ETV1: variants seen among roughly 807,000 people sequenced by gnomAD.
ETV1 encodes the protein ETS variant transcription factor 1.
In ETV1, 27 loss-of-function variants were observed where a neutral mutation model predicts 62.3. The observed-to-expected ratio is 0.43, with a 90% CI of 0.32 to 0.60. ETV1 has a LOEUF of 0.60. ETV1 is among the 20% of genes least tolerant of loss of function. The pLI, the probability that ETV1 is intolerant of heterozygous loss-of-function variation, is 0.06. For synonymous variants in ETV1, 222 were observed against 199.6 expected (o/e 1.11, Z -0.94); for missense variants, 605 against 605.8 (o/e 1.00, Z 0.01).
Position 13,891,698 on chromosome 7 carries a change from T to A in ETV1, c.*4168A>T, listed in dbSNP as rs560616978. The A allele has an allele frequency of 4.3e-6, 1 of 232,048 alleles. No individual in the cohort carries two copies. The highest frequency in any genetic ancestry group is 2.2e-5 in the African/African-American group (1 of 45,310). 14.4% of individuals were successfully genotyped at this position (232,048 alleles called of 1,614,324 possible). On this transcript the variant is annotated 3_prime_UTR_variant, in exon 14 of 14. Transcript: ENST00000430479. The stretch of plus-strand genomic sequence containing the variant: ...TATCATGCCCAACTATTACCATCTT[T>A]TTGAAACTTGATTTTTCCAATTCTT...
At chr7:13,929,482 T>C (rs1785832853) in intron 9 of ETV1, among the ~76,000 whole-genome samples, 1 of 152,184 alleles carries the variant, frequency 6.6e-6, no homozygotes, top group Non-Finnish European at 1.5e-5. Context: ...GAGTATGTGG[T>C]ATGGAGAGAG....
intron 11 of ETV1, among the ~76,000 whole-genome samples, chr7:13,908,587 A>G (rs1783219262): frequency 6.6e-6 from 1 of 152,064 alleles, no homozygotes; most frequent in South Asian, 2.1e-4. Context: ...TGATTCCTAT[A>G]ATTTTTTTTT....
At chr7:13,897,586 C>A (rs1781975999) in intron 13 of ETV1, among the ~76,000 whole-genome samples, 1 of 152,088 alleles carries the variant, frequency 6.6e-6, no homozygotes, top group African/African-American at 2.4e-5. Flanking sequence ...GGAATGGCGC[C>A]TCAGAAAGCC....
In ETV1 at chr7:13,928,043, G is replaced by A. The variant is rs535864815; in HGVS notation, c.802+3459C>T. 3.9e-5 allele frequency among the ~76,000 whole-genome samples: 6 copies of A among 152,150 alleles called. No individual in the cohort carries two copies. The East Asian group carries it at 9.7e-4, about 25-fold the overall frequency. On this transcript the variant is annotated intron_variant, in intron 9 of 13. Transcript: ENST00000430479. ...CAAAAGAGATGCCATACATACCTTC[G>A]ACAAACGATGCTGGACTATGTTTTG... is the stretch of plus-strand genomic sequence containing the variant.
chr7:13,937,797 A>G (rs111761104), intron 7 of ETV1, among the ~76,000 whole-genome samples: 118 of 152,326 alleles, frequency 7.7e-4, no homozygotes, highest in African/African-American at 2.7e-3. Context: ...GACCTTTTTT[A>G]TAAAACTTTG....
chr7:13,943,962 T>A (rs2128464740), intron 6 of ETV1, among the ~76,000 whole-genome samples: 1 of 152,250 alleles, frequency 6.6e-6, no homozygotes, highest in East Asian at 1.9e-4. Flanking sequence ...CATCTGAAAA[T>A]GTGCTTCAAC....
At chr7:13,923,662 C>G (rs997978880) in intron 9 of ETV1, among the ~76,000 whole-genome samples, 1 of 152,040 alleles carries the variant, frequency 6.6e-6, no homozygotes, top group African/African-American at 2.4e-5. Context: ...TGGCTTTTAT[C>G]AAAGCCCTAA....
intron 5 of ETV1, chr7:13,986,113 C>T: frequency 2.5e-6 from 4 of 1,577,836 alleles, no homozygotes; most frequent in Non-Finnish European, 3.4e-6. Flanking sequence ...ATTAGATACA[C>T]ACCTAACGTT....
rs139805674 is a variant in ETV1 at position 13,897,131 on chromosome 7, G to A, written c.1213-1044C>T. Among the ~76,000 whole-genome samples, 66 of 151,184 alleles carry A rather than the reference G, an allele frequency of 4.4e-4. 1 individual carries two copies. In the East Asian group the frequency reaches 0.011, roughly 25 times the overall value. On this transcript the variant is annotated intron_variant, in intron 13 of 13. Coordinates refer to ENST00000430479, the MANE Select transcript of ETV1 (RefSeq NM_004956.5). ...GCCTCTTGTTAATAGACAATGCTGAGATGCTCTCAAAACCCGGGGTGGGGG... is the reference window on the plus strand; with the variant it reads ...GCCTCTTGTTAATAGACAATGCTGAAATGCTCTCAAAACCCGGGGTGGGGG...
In ETV1 at chr7:13,989,112, T is replaced by A; in HGVS notation, c.-60A>T. 1 of 1,448,166 alleles carries A rather than the reference T, an allele frequency of 6.9e-7. No homozygotes were observed. The highest frequency in any genetic ancestry group is 2.4e-5 in the East Asian group (1 of 41,490). The allele number at this position is 1,448,166 out of a possible 1,614,324, so 89.7% of individuals were successfully genotyped here. ...TATATTTTGAGCATTTAGCTGGAGA[T>A]TTCCTCAGGATCTGGACTTCTATCA... On this transcript the variant is annotated 5_prime_UTR_variant, in exon 3 of 14. Coordinates refer to ENST00000430479, the MANE Select transcript of ETV1 (RefSeq NM_004956.5).
chr7:13,960,179 T>C (rs928156148), intron 6 of ETV1, among the ~76,000 whole-genome samples: 1 of 152,178 alleles, frequency 6.6e-6, no homozygotes, highest in Non-Finnish European at 1.5e-5. Flanking sequence ...CTAGGGAAGA[T>C]ATGCTACCAG....
chr7:13,963,467 C>G (rs1168680059), intron 6 of ETV1, among the ~76,000 whole-genome samples: 2 of 150,210 alleles, frequency 1.3e-5, no homozygotes, highest in Non-Finnish European at 3.0e-5. Flanking sequence ...GTGTGTTTTA[C>G]TATATTCACA....
chr7:13,912,087 C>A (rs1369692629), intron 9 of ETV1, among the ~76,000 whole-genome samples: 4 of 152,204 alleles, frequency 2.6e-5, no homozygotes, highest in African/African-American at 9.6e-5. Context: ...AATGTTGACA[C>A]CCTGCCACAA....
intron 6 of ETV1, among the ~76,000 whole-genome samples, chr7:13,961,824 T>A (rs1445490046): frequency 1.3e-5 from 2 of 152,148 alleles, no homozygotes; most frequent in African/African-American, 4.8e-5. Flanking sequence ...CAAAGTAGAT[T>A]TGAACAAACA....
At chr7:13,896,726 A>AG (rs55823058) in intron 13 of ETV1, among the ~76,000 whole-genome samples, 16 of 123,648 alleles carry the variant, frequency 1.3e-4, no homozygotes, top group African/African-American at 4.3e-4. Flanking sequence ...AGAGAAAGAA[A>AG]AAGAAAAAGA....
At chr7:13,941,447 T>C (rs1274065302) in intron 6 of ETV1, among the ~76,000 whole-genome samples, 5 of 152,308 alleles carry the variant, frequency 3.3e-5, no homozygotes, top group Middle Eastern at 6.8e-3. Flanking sequence ...AGAAAAATGT[T>C]GATAAATGGT....
At chr7:13,942,269 T>C (rs923169136) in intron 6 of ETV1, among the ~76,000 whole-genome samples, 1 of 152,080 alleles carries the variant, frequency 6.6e-6, no homozygotes, top group Non-Finnish European at 1.5e-5. Flanking sequence ...GTGATCCGCC[T>C]GCCTCGGCCT....
chr7:13,903,495 G>C (rs1410005970), intron 12 of ETV1, among the ~76,000 whole-genome samples: 2 of 151,960 alleles, frequency 1.3e-5, no homozygotes, highest in Non-Finnish European at 2.9e-5. Flanking sequence ...GGGCACAGTG[G>C]CTCACACCTG....
intron 9 of ETV1, among the ~76,000 whole-genome samples, chr7:13,915,561 G>A (rs1367466838): frequency 6.6e-6 from 1 of 152,122 alleles, no homozygotes; most frequent in Admixed American, 6.5e-5. Context: ...TAAGCTCATA[G>A]TTTATGTTTA....
Sources: gnomAD v4.1 joint callset for allele counts (sites outside exome capture counted in the v4.1 genomes callset) on GRCh38, gnomAD v4.1.1 for gene constraint, MANE v1.5 for transcripts, NCBI Gene and HGNC (gene_info 2026-07-23, HGNC 2026-07-21) for gene names.